Variants in PSD2 observed in about 807,000 individuals in gnomAD.
The protein encoded by PSD2 is PH and SEC7 domain-containing protein 2.
In PSD2, 38 loss-of-function variants were observed where a neutral mutation model predicts 69.8. The observed-to-expected ratio is 0.54, with a 90% CI of 0.42 to 0.71. PSD2 has a LOEUF of 0.71. Among genes scored for constraint, PSD2 ranks in the 30% least tolerant of loss-of-function variants. The pLI is 0.00. For missense variants in PSD2, 943 were observed against 1,014.5 expected, an observed-to-expected ratio of 0.93 and a Z score of 0.96; for synonymous variants, 412 against 423.0, an observed-to-expected ratio of 0.97 and a Z score of 0.32.
chr5:139,752,569 C>A, the PSD2 span, among the ~76,000 whole-genome samples: 2 of 152,188 alleles, frequency 1.3e-5, no homozygotes, highest in East Asian at 3.9e-4. Context: ...GACAAACACA[C>A]AAGGACATTG....
At chr5:139,793,200 T>C (rs946581082), upstream of PSD2, among the ~76,000 whole-genome samples, 1 of 152,146 alleles carries the variant, frequency 6.6e-6, no homozygotes, top group African/African-American at 2.4e-5. Flanking sequence ...CACTTTGGCC[T>C]CCCAAAGTGT....
rs980921810 is a variant in PSD2 at position 139,822,833 on chromosome 5, A to C, written c.1269+49A>C. ...GTGTCGCATGTCCTCTCAGGGACCC[A>C]CCTTGTGTTGATCCCGGCCCCTTCC... is the stretch of plus-strand genomic sequence containing the variant. On this transcript the variant is annotated intron_variant, in intron 7 of 14. Coordinates refer to ENST00000274710, the MANE Select transcript of PSD2 (RefSeq NM_032289.4). 7 of 1,514,224 alleles carry C rather than the reference A, an allele frequency of 4.6e-6. No individual in the cohort carries two copies. In the Admixed American group the frequency reaches 1.3e-4, roughly 29 times the overall value. 93.8% of individuals were successfully genotyped at this position (1,514,224 alleles called of 1,614,324 possible). A position where few individuals can be genotyped will look rare whatever the true frequency, so the allele number is the denominator to read the frequency against.
In PSD2 at chr5:139,817,543, C is replaced by T; in HGVS notation, c.1079C>T (p.Thr360Ile). 6.2e-7 allele frequency: 1 copy of T among 1,614,118 alleles called. No individual in the cohort carries two copies. The highest frequency in any genetic ancestry group is 2.2e-5 in the East Asian group (1 of 44,890). The change falls in exon 5 of 15, where the codon ACT becomes ATT. Residue 360 changes from threonine (T) to isoleucine (I), a missense_variant. Around this residue, in one of 3 missense-constraint regions of PSD2, gnomAD observed 312 missense variants for 400.7 expected, o/e 0.78. Transcript: ENST00000274710. ...YLSFFDFSGL[T>I]LDGALRTFLK... ...AGTTTCTTCGACTTCTCGGGCTTGA[C>T]TCTGGACGGAGCACTCAGGTCAGTG...
At chr5:139,788,716 C>T in the PSD2 span, among the ~76,000 whole-genome samples, 4 of 152,306 alleles carry the variant, frequency 2.6e-5, no homozygotes, top group South Asian at 2.1e-4. Flanking sequence ...CCTGGGCCGG[C>T]GGCCGGCTGC....
At chr5:139,800,078 C>T (rs1657013616) in intron 1 of PSD2, among the ~76,000 whole-genome samples, 1 of 152,188 alleles carries the variant, frequency 6.6e-6, no homozygotes. Flanking sequence ...CAGGCACCAG[C>T]AGGGGAGGGC....
chr5:139,770,493 G>T, the PSD2 span, among the ~76,000 whole-genome samples: 1 of 152,156 alleles, frequency 6.6e-6, no homozygotes, highest in Admixed American at 6.5e-5. Context: ...TTGAACTGGG[G>T]AGTCGGAGGT....
At chr5:139,833,645 TG>T in intron 7 of PSD2, 56 bp from the exon 8 acceptor site, 1 of 1,272,072 alleles carries the variant, frequency 7.9e-7, no homozygotes, top group South Asian at 1.2e-5. Context: ...GCAGGGTGTG[TG>T]GGGAACACAC....
At chr5:139,781,366 T>C in the PSD2 span, among the ~76,000 whole-genome samples, 12 of 151,954 alleles carry the variant, frequency 7.9e-5, no homozygotes, top group South Asian at 2.1e-4. Flanking sequence ...GACGGAGTCT[T>C]GCTCTGTTGC....
At chr5:139,808,934 G>A (rs1416433921) in intron 1 of PSD2, among the ~76,000 whole-genome samples, 1 of 152,198 alleles carries the variant, frequency 6.6e-6, no homozygotes, top group Non-Finnish European at 1.5e-5. Flanking sequence ...ACAAAGGTAA[G>A]TTTCGCTCAT....
chr5:139,743,520 G>A, the PSD2 span, among the ~76,000 whole-genome samples: 1 of 152,198 alleles, frequency 6.6e-6, no homozygotes, highest in Non-Finnish European at 1.5e-5. Flanking sequence ...CTGTAAGATT[G>A]TATGTTTCAA....
chr5:139,766,828 C>CTTCTTTCTTTCCTTCTTTCTTTCT, the PSD2 span, among the ~76,000 whole-genome samples: 4 of 87,736 alleles, frequency 4.6e-5, no homozygotes, highest in Admixed American at 1.3e-4. Flanking sequence ...AAGTCCCTTC[C>CTTCTTTCTTTCCTTCTTTCTTTCT]TTCTTTCTTT....
At chr5:139,828,294 G>A (rs1581731913) in intron 7 of PSD2, among the ~76,000 whole-genome samples, 2 of 152,144 alleles carry the variant, frequency 1.3e-5, no homozygotes, top group South Asian at 2.1e-4. Context: ...AAGGAGGGGT[G>A]GGTGGGAGAA....
chr5:139,782,395 G>A, the PSD2 span, among the ~76,000 whole-genome samples: 1 of 151,980 alleles, frequency 6.6e-6, no homozygotes, highest in Non-Finnish European at 1.5e-5. Context: ...TGTTGGCCAG[G>A]CTGGTCTCAA....
chr5:139,808,606 C>T (rs915453912), intron 1 of PSD2, among the ~76,000 whole-genome samples: 5 of 152,322 alleles, frequency 3.3e-5, no homozygotes, highest in Non-Finnish European at 5.9e-5. Context: ...TGAGTCCCTC[C>T]TCGCAGCTGG....
chr5:139,839,880 C>T lies in PSD2; in HGVS notation c.1969-147C>T. On this transcript the variant is annotated intron_variant, in intron 13 of 14. Transcript: ENST00000274710. The surrounding 1 kb of genome is among the most constrained non-coding windows in gnomAD (Gnocchi z 5.1). Reference sequence around the variant, plus strand: ...TGGGAGGAAGAGCATGCCCTCAGGTCCAGAGTCTGGCTCTGTCCCCACATT... The same window carrying T: ...TGGGAGGAAGAGCATGCCCTCAGGTTCAGAGTCTGGCTCTGTCCCCACATT... The T allele has an allele frequency of 1.2e-6, 1 of 800,150 alleles. No individual in the cohort carries two copies. The highest frequency in any genetic ancestry group is 2.0e-6 in the Non-Finnish European group (1 of 497,166). 49.6% of individuals were successfully genotyped at this position (800,150 alleles called of 1,614,324 possible).
chr5:139,837,252 C>T lies in PSD2; in HGVS notation c.1665+14C>T. Reference sequence around the variant, plus strand: ...TACCTGCAGAAGGTGAGAGACTGCCCCAGAGACCTTACTCAGAAAGGGCCA... The same window carrying T: ...TACCTGCAGAAGGTGAGAGACTGCCTCAGAGACCTTACTCAGAAAGGGCCA... On this transcript the variant is annotated intron_variant, in intron 11 of 14. Transcript: ENST00000274710. The surrounding 1 kb of genome is among the most constrained non-coding windows in gnomAD (Gnocchi z 5.0). 1 of 1,613,012 alleles carries T rather than the reference C, an allele frequency of 6.2e-7. No homozygotes were observed. Among genetic ancestry groups the T allele is most frequent in the Non-Finnish European group, 8.5e-7 (1 of 1,179,066 alleles).
intron 1 of PSD2, among the ~76,000 whole-genome samples, chr5:139,798,620 G>T (rs115490887): frequency 0.013 from 2,013 of 152,224 alleles, 54 homozygotes; most frequent in African/African-American, 0.046. Flanking sequence ...ACCTAGATTT[G>T]CCAGTTGTTA....
chr5:139,790,240 G>A, the PSD2 span, among the ~76,000 whole-genome samples: 376 of 152,202 alleles, frequency 2.5e-3, 1 homozygote, highest in African/African-American at 8.7e-3. Context: ...CCTTGTGGTC[G>A]TGATGTTTAC....
chr5:139,828,940 C>T (rs1180228943), intron 7 of PSD2, among the ~76,000 whole-genome samples: 1 of 151,504 alleles, frequency 6.6e-6, no homozygotes, highest in African/African-American at 2.4e-5. Context: ...CTGTGACTTT[C>T]CTCTGCTCGG....
Sources: gnomAD v4.1 joint callset for allele counts (sites outside exome capture counted in the v4.1 genomes callset) on GRCh38, gnomAD v4.1.1 for gene constraint, gnomAD v4.1.1 regional missense constraint, Gnocchi (gnomAD v3.1) non-coding constraint, MANE v1.5 for transcripts, NCBI Gene and HGNC (gene_info 2026-07-23, HGNC 2026-07-21) for gene names.